NKAIN1: variants seen among roughly 807,000 people sequenced by gnomAD.
NKAIN1 encodes the protein sodium/potassium-transporting ATPase subunit beta-1-interacting protein 1.
Under a neutral mutation model 31.6 loss-of-function variants are expected in NKAIN1, and 13 were observed. The ratio of observed to expected loss-of-function variants is 0.41; its 90% CI spans 0.27 to 0.65. The LOEUF is 0.65. NKAIN1 is among the 30% of genes least tolerant of loss of function. NKAIN1 has a pLI of 0.30. For synonymous variants in NKAIN1, 104 were observed against 109.0 expected, an observed-to-expected ratio of 0.95 and a Z score of 0.28; for missense variants, 193 against 262.2, an observed-to-expected ratio of 0.74 and a Z score of 1.82.
At chr1:31,212,037 TC>T (rs1339218257) in intron 1 of NKAIN1, among the ~76,000 whole-genome samples, 1 of 152,052 alleles carries the variant, frequency 6.6e-6, no homozygotes, top group Non-Finnish European at 1.5e-5. Context: ...GACTCATACT[TC>T]CTGATTTCAA....
rs1645565845 is a variant in NKAIN1 at position 31,221,625 on chromosome 1, G to A, written c.54+17869C>T. Among the ~76,000 whole-genome samples, 6 of 151,736 alleles carry A rather than the reference G, an allele frequency of 4.0e-5. No homozygotes were observed. The South Asian group carries it at 8.3e-4, about 21-fold the overall frequency. On this transcript the variant is annotated intron_variant, in intron 1 of 6. Transcript: ENST00000373736. ...TAATTTTTGTATTTTTAGTAGAGCC[G>A]GGGTTTCACCATGTTGGCCAAGATG...
intron 1 of NKAIN1, among the ~76,000 whole-genome samples, chr1:31,237,144 A>G (rs1412272008): frequency 1.3e-5 from 2 of 152,128 alleles, no homozygotes; most frequent in South Asian, 4.2e-4. Flanking sequence ...CCAGGTACTC[A>G]GGAGGCTGAG....
intron 3 of NKAIN1, 159 bp downstream of exon 3, chr1:31,185,088 T>C (rs1284761004): frequency 1.6e-6 from 1 of 629,384 alleles, no homozygotes; most frequent in Non-Finnish European, 2.9e-6. Flanking sequence ...AGAAATAAAT[T>C]GTGTAAGTAG....
intron 1 of NKAIN1, among the ~76,000 whole-genome samples, chr1:31,238,456 C>T (rs1009332287): frequency 6.6e-6 from 1 of 152,182 alleles, no homozygotes; most frequent in Non-Finnish European, 1.5e-5. Flanking sequence ...AGCACAGCTT[C>T]AACCTCCCTA....
At chr1:31,188,932 G>A (rs111574540) in intron 1 of NKAIN1, among the ~76,000 whole-genome samples, 5,631 of 151,818 alleles carry the variant, frequency 0.037, 182 homozygotes, top group African/African-American at 0.087. Flanking sequence ...AGAATCTCTT[G>A]AGCCCAGCAG....
intron 1 of NKAIN1, among the ~76,000 whole-genome samples, chr1:31,212,706 T>C (rs758791341): frequency 2.0e-5 from 3 of 148,064 alleles, no homozygotes; most frequent in East Asian, 2.1e-4. Context: ...CACCCAGCCA[T>C]AAAAATAAGC....
chr1:31,208,688 C>T (rs993418231), intron 1 of NKAIN1, among the ~76,000 whole-genome samples: 2 of 152,222 alleles, frequency 1.3e-5, no homozygotes, highest in South Asian at 4.1e-4. Flanking sequence ...GGCCACAGGC[C>T]TCCCTCAAAA....
At chr1:31,234,213 A>G (rs1645678359) in intron 1 of NKAIN1, among the ~76,000 whole-genome samples, 1 of 152,220 alleles carries the variant, frequency 6.6e-6, no homozygotes, top group Non-Finnish European at 1.5e-5. Flanking sequence ...AGTGGCCTGC[A>G]TAATTTCACG....
intron 1 of NKAIN1, among the ~76,000 whole-genome samples, chr1:31,198,962 C>A (rs1196839696): frequency 6.6e-6 from 1 of 152,228 alleles, no homozygotes; most frequent in Non-Finnish European, 1.5e-5. Flanking sequence ...GCGTAGGGCC[C>A]AGGCTCAGGG....
chr1:31,200,253 G>A (rs981363704), intron 1 of NKAIN1, among the ~76,000 whole-genome samples: 1 of 152,144 alleles, frequency 6.6e-6, no homozygotes, highest in Non-Finnish European at 1.5e-5. Flanking sequence ...GATTCCGTTC[G>A]TGTAAACACC....
At chr1:31,234,182 G>A (rs758861178) in intron 1 of NKAIN1, among the ~76,000 whole-genome samples, 2 of 152,148 alleles carry the variant, frequency 1.3e-5, no homozygotes, top group African/African-American at 4.8e-5. Flanking sequence ...GTCCAAAGGG[G>A]TATGAGGAAC....
At chr1:31,211,676 C>T (rs1235238180) in intron 1 of NKAIN1, among the ~76,000 whole-genome samples, 2 of 150,770 alleles carry the variant, frequency 1.3e-5, no homozygotes, top group African/African-American at 2.4e-5. Flanking sequence ...TGGCTGGGCA[C>T]GGTGGCTCAT....
At chr1:31,222,702 G>A (rs1645573504) in intron 1 of NKAIN1, among the ~76,000 whole-genome samples, 1 of 152,160 alleles carries the variant, frequency 6.6e-6, no homozygotes, top group South Asian at 2.1e-4. Flanking sequence ...CCAAACTGAA[G>A]CTCAGGAGAG....
chr1:31,196,844 C>T (rs1017471830), intron 1 of NKAIN1, among the ~76,000 whole-genome samples: 1 of 152,200 alleles, frequency 6.6e-6, no homozygotes, highest in African/African-American at 2.4e-5. Context: ...CCCCATGGCA[C>T]CGTCCCAGAG....
At chr1:31,200,063 G>GTGCACA (rs1485137077) in intron 1 of NKAIN1, among the ~76,000 whole-genome samples, 1 of 151,150 alleles carries the variant, frequency 6.6e-6, no homozygotes, top group African/African-American at 2.4e-5. Flanking sequence ...ACACGCACGC[G>GTGCACA]CACGCACGAA....
intron 1 of NKAIN1, among the ~76,000 whole-genome samples, chr1:31,211,248 T>C (rs1645466677): frequency 6.6e-6 from 1 of 152,220 alleles, no homozygotes; most frequent in African/African-American, 2.4e-5. Context: ...TGATCTTGTA[T>C]GTAGAATAAA....
Position 31,200,045 on chromosome 1 carries a change from A to ACACATGCATG in NKAIN1, c.55-11859_55-11858insCATGCATGTG, listed in dbSNP as rs1553162448. On this transcript the variant is annotated intron_variant, in intron 1 of 6. Coordinates refer to ENST00000373736, the MANE Select transcript of NKAIN1 (RefSeq NM_024522.3). ...CACACGCACACACACACACATGCAC[A>ACACATGCATG]CGTGCACACACGCACGCGCACGCAC... is the stretch of plus-strand genomic sequence containing the variant. 8.1e-3 allele frequency among the ~76,000 whole-genome samples: 1,226 copies of ACACATGCATG among 151,424 alleles called. 10 individuals carry two copies. The highest frequency in any genetic ancestry group is 0.011 in the Non-Finnish European group (764 of 67,646).
At position 31,239,127 on chromosome 1, in the gene NKAIN1, C is replaced by A. The variant is rs1049276980; in HGVS notation, c.54+367G>T. ...AACGAGGGATCTAGAGGGAAACACACAGCAGGACCTCAACGGATCCACAGA... is the reference window on the plus strand; with the variant it reads ...AACGAGGGATCTAGAGGGAAACACAAAGCAGGACCTCAACGGATCCACAGA... On this transcript the variant is annotated intron_variant, in intron 1 of 6. Coordinates refer to ENST00000373736, the MANE Select transcript of NKAIN1 (RefSeq NM_024522.3). This position sits in a 1 kb window ranked among gnomAD's most constrained non-coding sequence, Gnocchi z 4.8. Among the ~76,000 whole-genome samples, 3 of 152,132 alleles carry A rather than the reference C, an allele frequency of 2.0e-5. No individual in the cohort carries two copies. Among genetic ancestry groups the A allele is most frequent in the African/African-American group, 7.2e-5 (3 of 41,442 alleles).
chr1:31,181,905 T>C lies in NKAIN1; in HGVS notation c.569A>G (p.Gln190Arg). 1 of 1,607,444 alleles carries C rather than the reference T, an allele frequency of 6.2e-7. No individual in the cohort carries two copies. Among genetic ancestry groups the C allele is most frequent in the Non-Finnish European group, 8.5e-7 (1 of 1,177,790 alleles). Residue 190 changes from glutamine (Q) to arginine (R), a missense_variant, in exon 6 of 7, where the codon CAG becomes CGG. Coordinates refer to ENST00000373736, the MANE Select transcript of NKAIN1 (RefSeq NM_024522.3). ...FIGGFDSYGY[Q>R]APQKTSHLQL... The stretch of plus-strand genomic sequence containing the variant: ...TAAATGCGACGTCTTCTGGGGCGCC[T>C]GGTATCCGTAGGAGTCAAAGCCGCC...
Sources: allele counts gnomAD v4.1 joint callset (sites outside exome capture counted in the v4.1 genomes callset), GRCh38; gene constraint gnomAD v4.1.1; non-coding constraint Gnocchi (gnomAD v3.1); transcripts MANE v1.5; gene names NCBI Gene and HGNC (gene_info 2026-07-23, HGNC 2026-07-21).